Variants in TMEM92 observed in about 807,000 individuals in gnomAD.
TMEM92 encodes the protein transmembrane protein 92.
TMEM92 carries 15 observed loss-of-function variants against 14.6 expected under a neutral mutation model. The observed-to-expected ratio is 1.03, with a 90% CI of 0.69 to 1.58. The LOEUF is 1.58. Among genes scored for constraint, TMEM92 ranks in the 40% most tolerant of loss-of-function variants. TMEM92 has a pLI of 0.00. For missense variants in TMEM92, 174 were observed against 202.4 expected (o/e 0.86, Z 0.85); for synonymous variants, 85 against 83.3 (o/e 1.02, Z -0.11).
Position 50,279,585 on chromosome 17 carries a change from A to C in TMEM92, c.*277A>C. The C allele has an allele frequency of 2.5e-6, 1 of 398,168 alleles. No individual in the cohort carries two copies. The highest frequency in any genetic ancestry group is 4.6e-6 in the Non-Finnish European group (1 of 216,894). 24.7% of individuals were successfully genotyped at this position (398,168 alleles called of 1,614,324 possible). The stretch of plus-strand genomic sequence containing the variant: ...CTGACCATTGGAGGTGCCCAACAGT[A>C]GAATGGGCTACTGTGAGGGGTAGTA... On this transcript the variant is annotated 3_prime_UTR_variant, in exon 5 of 5. Transcript: ENST00000507382.
chr17:50,276,827 C>G (rs1266950595), intron 1 of TMEM92, among the ~76,000 whole-genome samples: 3 of 152,136 alleles, frequency 2.0e-5, no homozygotes, highest in Non-Finnish European at 4.4e-5. Context: ...GGACAATTAA[C>G]AAGATAAAGT....
Position 50,279,481 on chromosome 17 carries a change from T to C in TMEM92, c.*173T>C. 1.6e-6 allele frequency: 1 copy of C among 610,588 alleles called. No individual in the cohort carries two copies. The highest frequency in any genetic ancestry group is 2.9e-6 in the Non-Finnish European group (1 of 348,044). The allele number at this position is 610,588 out of a possible 1,614,324, so 37.8% of individuals were successfully genotyped here. ...CTTCTGTTTCCACCCCAGCTGCCTC[T>C]CTTGTCCTGAGGGTTAGGCTGGAGT... On this transcript the variant is annotated 3_prime_UTR_variant, in exon 5 of 5. Coordinates refer to ENST00000507382, the MANE Select transcript of TMEM92 (RefSeq NM_153229.3).
intron 4 of TMEM92, 26 bp from the exon 5 acceptor site, chr17:50,279,169 G>A (rs1910531864): frequency 8.1e-6 from 13 of 1,607,930 alleles, no homozygotes; most frequent in South Asian, 1.1e-5. Context: ...GGGCCCAGAA[G>A]ACTGAATTCT....
intron 1 of TMEM92, among the ~76,000 whole-genome samples, chr17:50,276,856 A>G (rs1021257106): frequency 6.6e-6 from 1 of 152,236 alleles, no homozygotes; most frequent in African/African-American, 2.4e-5. Context: ...AGTATGTTAG[A>G]TGTTGACAAG....
upstream of TMEM92, among the ~76,000 whole-genome samples, chr17:50,272,846 G>C (rs1910292840): frequency 6.6e-6 from 1 of 152,006 alleles, no homozygotes; most frequent in African/African-American, 2.4e-5. Context: ...GGCAGACAGA[G>C]GTGAACAGAG....
In TMEM92 at chr17:50,279,526, C is replaced by A. The variant is rs986434933; in HGVS notation, c.*218C>A. On this transcript the variant is annotated 3_prime_UTR_variant, in exon 5 of 5. Transcript: ENST00000507382. ...TGGAGTGACAGTTTCCGCCCACCCC[C>A]CAGCCCAAGAAAGAGGCTGCCGGAA... The A allele has an allele frequency of 3.9e-6, 2 of 516,636 alleles. No homozygotes were observed. Among genetic ancestry groups the A allele is most frequent in the African/African-American group, 2.0e-5 (1 of 50,446 alleles). The allele number at this position is 516,636 out of a possible 1,614,324, so 32.0% of individuals were successfully genotyped here.
chr17:50,272,000 AT>A (rs1275774315), upstream of TMEM92, among the ~76,000 whole-genome samples: 1 of 152,076 alleles, frequency 6.6e-6, no homozygotes, highest in Non-Finnish European at 1.5e-5. Context: ...ACACCACTCC[AT>A]TCCAGTCTTG....
At position 50,277,366 on chromosome 17, in the gene TMEM92, GTC is replaced by G. The variant is rs201604091; in HGVS notation, c.70-347_70-346del. Reference sequence around the variant, plus strand: ...TAGGAAGAGTCCTCCTGCCCACAGTGTCTGCAGTGACTGAAGGTGGGATAAGG... The same window carrying G: ...TAGGAAGAGTCCTCCTGCCCACAGTGTGCAGTGACTGAAGGTGGGATAAGG... On this transcript the variant is annotated intron_variant, in intron 1 of 4. Transcript: ENST00000507382. Among the ~76,000 whole-genome samples the G allele has an allele frequency of 1.5e-4, 23 of 152,136 alleles. No homozygotes were observed. In the East Asian group the frequency reaches 3.9e-3, roughly 26 times the overall value.
At position 50,279,521 on chromosome 17, in the gene TMEM92, A is replaced by C; in HGVS notation, c.*213A>C. 2 of 514,984 alleles carry C rather than the reference A, an allele frequency of 3.9e-6. No homozygotes were observed. Among genetic ancestry groups the C allele is most frequent in the Non-Finnish European group, 6.9e-6 (2 of 290,876 alleles). 31.9% of individuals were successfully genotyped at this position (514,984 alleles called of 1,614,324 possible). ...TAGGCTGGAGTGACAGTTTCCGCCC[A>C]CCCCCCAGCCCAAGAAAGAGGCTGC... On this transcript the variant is annotated 3_prime_UTR_variant, in exon 5 of 5. Transcript: ENST00000507382.
Position 50,278,735 on chromosome 17 carries a change from G to A in TMEM92, c.171-66G>A, listed in dbSNP as rs572368260. On this transcript the variant is annotated intron_variant, in intron 3 of 4. Transcript: ENST00000507382. ...GGGGGCAGTGTGGGCGGCGGGAGCG[G>A]GGAGATGTAGGGAGTCCCCAGGGTG... 2.8e-5 allele frequency: 44 copies of A among 1,564,954 alleles called. No homozygotes were observed. The South Asian group carries it at 3.4e-4, about 12-fold the overall frequency.
chr17:50,272,138 C>G (rs940922787), upstream of TMEM92, among the ~76,000 whole-genome samples: 4 of 152,112 alleles, frequency 2.6e-5, no homozygotes, highest in Non-Finnish European at 5.9e-5. Context: ...AGATCTGGGT[C>G]AGGTTGATGC....
chr17:50,279,067 G>A (rs1486869061), intron 4 of TMEM92, 71 bp downstream of exon 4: 22 of 1,402,224 alleles, frequency 1.6e-5, no homozygotes, highest in East Asian at 4.6e-5. Context: ...AGGGCCCTTC[G>A]ATCCTGGAGG....
intron 1 of TMEM92, among the ~76,000 whole-genome samples, chr17:50,277,295 C>A (rs180791413): frequency 6.6e-6 from 1 of 152,184 alleles, no homozygotes; most frequent in Middle Eastern, 3.4e-3. Flanking sequence ...AGGGAGCCAC[C>A]GAAGGGGGCT....
intron 3 of TMEM92, 37 bp downstream of exon 3, chr17:50,278,667 G>T (rs1910509088): frequency 2.5e-6 from 4 of 1,607,474 alleles, no homozygotes; most frequent in Admixed American, 1.7e-5. Flanking sequence ...TGCAGTCCTT[G>T]GAGGGGCCTG....
rs986434933 is a variant in TMEM92, at chr17:50,279,526, C to G, written c.*218C>G. 1.2e-5 allele frequency: 6 copies of G among 516,522 alleles called. No homozygotes were observed. The highest frequency in any genetic ancestry group is 6.9e-6 in the Non-Finnish European group (2 of 291,312). The allele number at this position is 516,522 out of a possible 1,614,324, so 32.0% of individuals were successfully genotyped here. On this transcript the variant is annotated 3_prime_UTR_variant, in exon 5 of 5. Transcript: ENST00000507382. ...TGGAGTGACAGTTTCCGCCCACCCC[C>G]CAGCCCAAGAAAGAGGCTGCCGGAA...
chr17:50,277,648 G>A, intron 1 of TMEM92, 67 bp from the exon 2 acceptor site: 1 of 1,599,234 alleles, frequency 6.3e-7, no homozygotes, highest in Non-Finnish European at 8.6e-7. Context: ...CAGCATCTGA[G>A]TGGAGACCCT....
intron 1 of TMEM92, among the ~76,000 whole-genome samples, chr17:50,276,410 G>A (rs1193456873): frequency 2.0e-5 from 3 of 152,194 alleles, no homozygotes; most frequent in Non-Finnish European, 4.4e-5. Context: ...CTGTGAGATG[G>A]TACTCAGCCT....
chr17:50,279,092 G>A (rs1272059162), intron 4 of TMEM92, 96 bp downstream of exon 4: 1 of 1,431,272 alleles, frequency 7.0e-7, no homozygotes, highest in African/African-American at 1.4e-5. Context: ...TCTGCACCCA[G>A]CATTGGGTCA....
intron 1 of TMEM92, among the ~76,000 whole-genome samples, chr17:50,275,542 T>G (rs758571074): frequency 2.6e-5 from 4 of 152,060 alleles, no homozygotes; most frequent in Non-Finnish European, 5.9e-5. Context: ...AGCTGAGATT[T>G]ACTTACTCCC....
Sources: allele counts gnomAD v4.1 joint callset (sites outside exome capture counted in the v4.1 genomes callset), GRCh38; gene constraint gnomAD v4.1.1; transcripts MANE v1.5; gene names NCBI Gene and HGNC (gene_info 2026-07-23, HGNC 2026-07-21).